The following TUT4 variants were observed in gnomAD, a reference collection of about 807,000 sequenced individuals.
TUT4 encodes the protein terminal uridylyltransferase 4.
TUT4 carries 36 observed loss-of-function variants against 192.2 expected under a neutral mutation model. The observed-to-expected ratio is 0.19, with a 90% CI of 0.14 to 0.25. The LOEUF is 0.25. Ranked by LOEUF, TUT4 falls within the 10% of genes least tolerant of loss-of-function variation. TUT4 has a pLI of 1.00. For missense variants in TUT4, 1,493 were observed against 1,957.2 expected, an observed-to-expected ratio of 0.76 and a Z score of 4.47; for synonymous variants, 618 against 666.0, an observed-to-expected ratio of 0.93 and a Z score of 1.11.
At chr1:52,482,004 T>C in intron 9 of TUT4, 81 bp from the exon 10 acceptor site, 1 of 1,201,656 alleles carries the variant, frequency 8.3e-7, no homozygotes, top group Non-Finnish European at 1.1e-6. Flanking sequence ...TTTCCTACCC[T>C]AATCATTGTA....
chr1:52,489,539 A>C (rs1670628386), intron 8 of TUT4, among the ~76,000 whole-genome samples: 1 of 152,192 alleles, frequency 6.6e-6, no homozygotes, highest in Non-Finnish European at 1.5e-5. Context: ...TTCAGAGTAA[A>C]GATTAGACAG....
chr1:52,545,591 C>T (rs573951401), intron 1 of TUT4, among the ~76,000 whole-genome samples: 5 of 151,958 alleles, frequency 3.3e-5, no homozygotes, highest in Non-Finnish European at 5.9e-5. Flanking sequence ...TGCTGAATAT[C>T]ACTAATCATT....
At chr1:52,498,995 A>T (rs1673367373) in intron 4 of TUT4, among the ~76,000 whole-genome samples, 1 of 141,418 alleles carries the variant, frequency 7.1e-6, no homozygotes, top group African/African-American at 2.6e-5. Context: ...TCAATCCTAA[A>T]TGTACACAGA....
intron 3 of TUT4, chr1:52,515,039 A>G (rs1443117890): frequency 6.6e-6 from 1 of 152,192 alleles, no homozygotes; most frequent in African/African-American, 2.4e-5. Flanking sequence ...CGGCTTCCCA[A>G]AATGCTGGGA....
chr1:52,549,505 C>G (rs991932764), intron 1 of TUT4, among the ~76,000 whole-genome samples: 1 of 152,132 alleles, frequency 6.6e-6, no homozygotes, highest in Non-Finnish European at 1.5e-5. Flanking sequence ...TCCCTCTCAA[C>G]TCCCACAATC....
chr1:52,471,282 T>C (rs968679074), intron 14 of TUT4, among the ~76,000 whole-genome samples: 4 of 152,192 alleles, frequency 2.6e-5, no homozygotes, highest in African/African-American at 9.7e-5. Context: ...CCCAAAATGC[T>C]GGGATTACAG....
chr1:52,514,933 A>C (rs1465146961), intron 3 of TUT4: 1 of 152,074 alleles, frequency 6.6e-6, no homozygotes, highest in Non-Finnish European at 1.5e-5. Context: ...ACCGACTACC[A>C]CACCTCGCTA....
Position 52,472,246 on chromosome 1 carries a change from G to T in TUT4, c.2728-144C>A, listed in dbSNP as rs988332891. On this transcript the variant is annotated intron_variant, in intron 13 of 29. Transcript: ENST00000257177. Reference sequence around the variant, plus strand: ...AGGTAATTAAAAAAAAAAACATGTTGTTAAAATGCAGTATTAGCTACAAAA... The same window carrying T: ...AGGTAATTAAAAAAAAAAACATGTTTTTAAAATGCAGTATTAGCTACAAAA... 4.6e-6 allele frequency: 4 copies of T among 868,572 alleles called. No homozygotes were observed. In the African/African-American group the frequency reaches 7.0e-5, roughly 15 times the overall value. The allele number at this position is 868,572 out of a possible 1,614,324, so 53.8% of individuals were successfully genotyped here. A position where few individuals can be genotyped will look rare whatever the true frequency, so the allele number is the denominator to read the frequency against.
At chr1:52,521,251 T>G (rs978283606) in intron 2 of TUT4, among the ~76,000 whole-genome samples, 17 of 152,186 alleles carry the variant, frequency 1.1e-4, no homozygotes, top group Admixed American at 1.0e-3. Context: ...AAACAAAATT[T>G]TATTGAATGA....
intron 4 of TUT4, among the ~76,000 whole-genome samples, chr1:52,506,070 A>G (rs191799007): frequency 7.9e-5 from 12 of 151,642 alleles, no homozygotes; most frequent in Non-Finnish European, 1.6e-4. Context: ...CGCCCTCCTC[A>G]GCCTCCCAAA....
chr1:52,461,697 A>G lies in TUT4; in HGVS notation c.3127+15T>C. The G allele has an allele frequency of 6.5e-7, 1 of 1,529,590 alleles. No individual in the cohort carries two copies. The highest frequency in any genetic ancestry group is 8.9e-7 in the Non-Finnish European group (1 of 1,125,000). The allele number at this position is 1,529,590 out of a possible 1,614,324, so 94.8% of individuals were successfully genotyped here. On this transcript the variant is annotated intron_variant, in intron 17 of 29. Coordinates refer to ENST00000257177, the MANE Select transcript of TUT4 (RefSeq NM_001009881.3). The stretch of plus-strand genomic sequence containing the variant: ...AAATTTATTTTGTTTTACAGATAAG[A>G]TTCAAAATTCATACCTGGATGTCTC...
intron 4 of TUT4, among the ~76,000 whole-genome samples, chr1:52,506,909 T>G (rs2149276074): frequency 6.6e-6 from 1 of 152,326 alleles, no homozygotes; most frequent in African/African-American, 2.4e-5. Flanking sequence ...TCTGTAATAT[T>G]CCTAAGCTTT....
chr1:52,432,466 G>A (rs1317318417), intron 27 of TUT4: 3 of 152,184 alleles, frequency 2.0e-5, no homozygotes, highest in Admixed American at 2.0e-4. Context: ...GAGCTAAATA[G>A]GGGCAAGACA....
At chr1:52,445,703 C>T in intron 24 of TUT4, 84 bp downstream of exon 24, 1 of 1,024,074 alleles carries the variant, frequency 9.8e-7, no homozygotes, top group South Asian at 1.5e-5. Context: ...TTCCCTATAT[C>T]TAACATCAGT....
chr1:52,466,380 T>C (rs1242650119), intron 15 of TUT4, among the ~76,000 whole-genome samples: 1 of 151,922 alleles, frequency 6.6e-6, no homozygotes, highest in Non-Finnish European at 1.5e-5. Context: ...CGGTGGCTCA[T>C]GCCTGTAATC....
chr1:52,497,190 A>C lies in TUT4; in HGVS notation c.1000-7T>G. On this transcript the variant is annotated splice_region_variant and splice_polypyrimidine_tract_variant and intron_variant, in intron 4 of 29. Transcript: ENST00000257177. ...CACTTTCTTCTTGTTTTTCCTATTA[A>C]TGTAATGATTCACAACAATAAAAAC... is the stretch of plus-strand genomic sequence containing the variant. 6.3e-7 allele frequency: 1 copy of C among 1,591,452 alleles called. No homozygotes were observed. The highest frequency in any genetic ancestry group is 8.5e-7 in the Non-Finnish European group (1 of 1,173,432).
At chr1:52,553,315 A>T (rs1268582762), upstream of TUT4, 14 of 136,210 alleles carry the variant, frequency 1.0e-4, no homozygotes, top group Admixed American at 1.0e-3. Flanking sequence ...GGGGGGCCCC[A>T]CAGGCACCGT....
At chr1:52,451,612 C>T (rs1241507941) in intron 20 of TUT4, among the ~76,000 whole-genome samples, 3 of 152,030 alleles carry the variant, frequency 2.0e-5, no homozygotes, top group Admixed American at 1.3e-4. Context: ...GAGGCCAAGG[C>T]GGGCGGATCA....
chr1:52,485,779 C>G (rs1225847380), intron 9 of TUT4, among the ~76,000 whole-genome samples: 1 of 151,850 alleles, frequency 6.6e-6, no homozygotes, highest in East Asian at 1.9e-4. Flanking sequence ...AAGATCATGG[C>G]ATATTAACCT....
Sources: allele counts gnomAD v4.1 joint callset (sites outside exome capture counted in the v4.1 genomes callset), GRCh38; gene constraint gnomAD v4.1.1; transcripts MANE v1.5; gene names NCBI Gene and HGNC (gene_info 2026-07-23, HGNC 2026-07-21).